The following FGF14 variants were observed in gnomAD, a reference collection of about 807,000 sequenced individuals.
FGF14 encodes fibroblast growth factor homologous factor 4.
In FGF14, 5 loss-of-function variants were observed where a neutral mutation model predicts 25.5. The ratio of observed to expected loss-of-function variants is 0.20; its 90% CI spans 0.10 to 0.41. The LOEUF (loss-of-function observed/expected upper bound fraction) is 0.41. Among genes scored for constraint, FGF14 ranks in the 10% least tolerant of loss-of-function variants. FGF14 has a pLI of 1.00. For synonymous variants in FGF14, 138 were observed against 118.3 expected, an observed-to-expected ratio of 1.17 and a Z score of -1.08; for missense variants, 222 against 320.1, an observed-to-expected ratio of 0.69 and a Z score of 2.34.
intron 1 of FGF14, among the ~76,000 whole-genome samples, chr13:102,105,974 T>C (rs1403801377): frequency 1.3e-5 from 2 of 152,206 alleles, no homozygotes; most frequent in Non-Finnish European, 2.9e-5. Flanking sequence ...TGAAAGATGG[T>C]GGTGGATTAC....
chr13:102,048,018 T>TACA (rs2042066491), intron 1 of FGF14, among the ~76,000 whole-genome samples: 1 of 142,918 alleles, frequency 7.0e-6, no homozygotes, highest in African/African-American at 2.6e-5. Context: ...CTTAGTTGTT[T>TACA]AAAAAAAAAA....
intron 1 of FGF14, among the ~76,000 whole-genome samples, chr13:102,156,076 A>T (rs1014597328): frequency 3.3e-5 from 5 of 152,224 alleles, no homozygotes; most frequent in African/African-American, 9.6e-5. Context: ...ATTCTACCAG[A>T]GGTACAAGGA....
intron 1 of FGF14, among the ~76,000 whole-genome samples, chr13:102,203,387 G>T (rs1315412110): frequency 6.6e-6 from 1 of 152,108 alleles, no homozygotes; most frequent in Non-Finnish European, 1.5e-5. Context: ...AATAACCCTA[G>T]AAAGATATTA....
intron 1 of FGF14, among the ~76,000 whole-genome samples, chr13:102,104,512 T>C (rs958227429): frequency 6.6e-6 from 1 of 152,184 alleles, no homozygotes; most frequent in African/African-American, 2.4e-5. Context: ...ACAGTGTCTC[T>C]TGCCTGTAAT....
chr13:101,893,421 G>T (rs1370057366), intron 1 of FGF14, among the ~76,000 whole-genome samples: 2 of 152,134 alleles, frequency 1.3e-5, no homozygotes, highest in African/African-American at 4.8e-5. Flanking sequence ...GAGAACAATG[G>T]CTCCCTGAAA....
chr13:102,298,697 G>T (rs562373070), intron 1 of FGF14, among the ~76,000 whole-genome samples: 1 of 152,248 alleles, frequency 6.6e-6, no homozygotes, highest in Admixed American at 6.5e-5. Context: ...ATACTGTGCT[G>T]CTTATAAGAA....
At chr13:102,233,857 C>A (rs751960881) in intron 1 of FGF14, among the ~76,000 whole-genome samples, 2 of 152,198 alleles carry the variant, frequency 1.3e-5, no homozygotes, top group Non-Finnish European at 2.9e-5. Flanking sequence ...TTGCATCATG[C>A]TGACTTTTAA....
intron 1 of FGF14, among the ~76,000 whole-genome samples, chr13:101,972,751 C>A (rs1342270470): frequency 6.6e-6 from 1 of 152,190 alleles, no homozygotes; most frequent in African/African-American, 2.4e-5. Context: ...TCAAGCTATC[C>A]TCCCGCCTCT....
At chr13:102,154,891 C>T (rs963513395) in intron 1 of FGF14, among the ~76,000 whole-genome samples, 2 of 151,374 alleles carry the variant, frequency 1.3e-5, no homozygotes, top group African/African-American at 2.4e-5. Context: ...GACTTTAAAC[C>T]AACAAAGATC....
intron 1 of FGF14, among the ~76,000 whole-genome samples, chr13:102,234,294 A>G (rs188353942): frequency 8.1e-6 from 1 of 123,592 alleles, no homozygotes; most frequent in South Asian, 2.8e-4. Flanking sequence ...ATGGAAATAT[A>G]CACTTAAATG....
chr13:101,751,703 A>G (rs1446855154), intron 3 of FGF14, among the ~76,000 whole-genome samples: 1 of 152,158 alleles, frequency 6.6e-6, no homozygotes, highest in African/African-American at 2.4e-5. Flanking sequence ...CATATTGCCT[A>G]AGGCTGTTTT....
chr13:102,344,878 G>C (rs2057058071), intron 1 of FGF14, among the ~76,000 whole-genome samples: 1 of 152,210 alleles, frequency 6.6e-6, no homozygotes, highest in Non-Finnish European at 1.5e-5. Context: ...CAGCATTGGT[G>C]CAGGGAACAA....
Position 101,724,868 on chromosome 13 carries a change from C to T in FGF14, c.607+1744G>A, listed in dbSNP as rs559280433. On this transcript the variant is annotated intron_variant, in intron 4 of 4. Coordinates refer to ENST00000376143, the MANE Select transcript of FGF14 (RefSeq NM_004115.4). ...TAAAAAGTATTATTTCTCTCTTTCT[C>T]ATATATATATATGTATATATACACA... Among the ~76,000 whole-genome samples the T allele has an allele frequency of 3.4e-4, 51 of 150,942 alleles. 1 individual carries two copies. In the East Asian group the frequency reaches 9.9e-3, roughly 29 times the overall value.
intron 1 of FGF14, among the ~76,000 whole-genome samples, chr13:102,210,404 A>C (rs1391985831): frequency 6.6e-6 from 1 of 152,170 alleles, no homozygotes; most frequent in Non-Finnish European, 1.5e-5. Context: ...CTTAAAAGAG[A>C]GATGTACCAT....
intron 1 of FGF14, among the ~76,000 whole-genome samples, chr13:102,157,098 A>G (rs1207177624): frequency 1.3e-5 from 2 of 152,228 alleles, no homozygotes; most frequent in Non-Finnish European, 2.9e-5. Flanking sequence ...TCATTTACAG[A>G]TTCAATGCCA....
In FGF14 at chr13:102,400,258, A is replaced by G. The variant is rs1176385495; in HGVS notation, c.208+1213T>C. Among the ~76,000 whole-genome samples the G allele has an allele frequency of 6.6e-6, 1 of 152,098 alleles. No homozygotes were observed. Among genetic ancestry groups the G allele is most frequent in the Non-Finnish European group, 1.5e-5 (1 of 68,008 alleles). The stretch of plus-strand genomic sequence containing the variant: ...GTCAGGGAGGCCGTGGAGAGCCATG[A>G]TCTACTGCACCGCAGTGCCAGCGTC... On this transcript the variant is annotated intron_variant, in intron 1 of 4. Coordinates refer to the FGF14 transcript ENST00000376131. The surrounding 1 kb of genome is among the most constrained non-coding windows in gnomAD (Gnocchi z 4.3).
intron 1 of FGF14, among the ~76,000 whole-genome samples, chr13:102,090,826 T>A (rs2044132020): frequency 6.6e-6 from 1 of 152,254 alleles, no homozygotes; most frequent in African/African-American, 2.4e-5. Flanking sequence ...AGATCCTTTG[T>A]GTTTACAAGC....
chr13:102,223,882 T>C (rs893796940), intron 1 of FGF14, among the ~76,000 whole-genome samples: 2 of 152,102 alleles, frequency 1.3e-5, no homozygotes, highest in Non-Finnish European at 2.9e-5. Context: ...CATCCTAATT[T>C]AGAATATTAT....
intron 1 of FGF14, among the ~76,000 whole-genome samples, chr13:102,354,555 T>TA (rs978966031): frequency 1.3e-5 from 2 of 152,108 alleles, no homozygotes; most frequent in African/African-American, 4.8e-5. Context: ...CCCTAAAATA[T>TA]AAAAAACCAA....
Sources: gnomAD v4.1 joint callset for allele counts (sites outside exome capture counted in the v4.1 genomes callset) on GRCh38, gnomAD v4.1.1 for gene constraint, Gnocchi (gnomAD v3.1) non-coding constraint, MANE v1.5 for transcripts, NCBI Gene and HGNC (gene_info 2026-07-23, HGNC 2026-07-21) for gene names.